The following FNDC3B variants were observed in gnomAD, a reference collection of about 807,000 sequenced individuals.
FNDC3B encodes the protein fibronectin type III domain containing 3B.
FNDC3B carries 12 observed loss-of-function variants against 151.5 expected under a neutral mutation model. The ratio of observed to expected loss-of-function variants is 0.08; its 90% confidence interval spans 0.05 to 0.13. The LOEUF (loss-of-function observed/expected upper bound fraction) is 0.13. Among genes scored for constraint, FNDC3B ranks in the 10% least tolerant of loss-of-function variants. The pLI is 1.00. For synonymous variants in FNDC3B, 528 were observed against 549.0 expected (o/e 0.96, Z 0.54); for missense variants, 1,214 against 1,505.3 (o/e 0.81, Z 3.20).
At chr3:172,264,512 T>A (rs1191389406) in intron 6 of FNDC3B, among the ~76,000 whole-genome samples, 2 of 152,238 alleles carry the variant, frequency 1.3e-5, no homozygotes, top group Admixed American at 1.3e-4. Flanking sequence ...TGTTTGTTTC[T>A]TGCATTTTTA....
intron 3 of FNDC3B, among the ~76,000 whole-genome samples, chr3:172,199,719 T>A (rs1165094745): frequency 6.6e-6 from 1 of 152,158 alleles, no homozygotes; most frequent in Non-Finnish European, 1.5e-5. Flanking sequence ...ACATTTCTAA[T>A]GGTAAACATG....
At chr3:172,281,396 C>T (rs1021912503) in intron 6 of FNDC3B, among the ~76,000 whole-genome samples, 6 of 152,118 alleles carry the variant, frequency 3.9e-5, no homozygotes, top group Non-Finnish European at 8.8e-5. Flanking sequence ...AGGTGTGCGC[C>T]ACCACGCCCG....
chr3:172,268,419 A>G (rs965251427), intron 6 of FNDC3B, among the ~76,000 whole-genome samples: 1 of 152,242 alleles, frequency 6.6e-6, no homozygotes, highest in East Asian at 1.9e-4. Context: ...AAATAGGGCA[A>G]GAAGAAATAA....
chr3:172,369,625 A>G (rs1484583853), intron 23 of FNDC3B, among the ~76,000 whole-genome samples: 1 of 152,158 alleles, frequency 6.6e-6, no homozygotes, highest in Non-Finnish European at 1.5e-5. Flanking sequence ...AAAGGTCCAT[A>G]TACAGCCAGG....
At position 172,352,795 on chromosome 3, in the gene FNDC3B, T is replaced by G. The variant is rs748677584; in HGVS notation, c.2515-8T>G. On this transcript the variant is annotated splice_region_variant and splice_polypyrimidine_tract_variant and intron_variant, in intron 21 of 25. Transcript: ENST00000415807. This position sits in a 1 kb window ranked among gnomAD's most constrained non-coding sequence, Gnocchi z 4.2. ...ATATGGCCTTTGTCTTGCTGTTCTG[T>G]TTTGTAGGCCTTCAATCAAGCAGGG... 1.2e-6 allele frequency: 2 copies of G among 1,612,320 alleles called. No individual in the cohort carries two copies. Among genetic ancestry groups the G allele is most frequent in the South Asian group, 2.2e-5 (2 of 90,998 alleles).
intron 1 of FNDC3B, among the ~76,000 whole-genome samples, chr3:172,080,183 T>C (rs918633834): frequency 2.6e-5 from 4 of 152,196 alleles, no homozygotes; most frequent in Non-Finnish European, 5.9e-5. Context: ...ATTTCATGAA[T>C]TGATTTTTGA....
At chr3:172,093,532 AC>A (rs1246811754) in intron 1 of FNDC3B, among the ~76,000 whole-genome samples, 1 of 152,132 alleles carries the variant, frequency 6.6e-6, no homozygotes. Context: ...TGCTGGGATT[AC>A]AGGCGTGAGT....
At chr3:172,377,592 G>A (rs1052590093) in intron 23 of FNDC3B, among the ~76,000 whole-genome samples, 1 of 152,270 alleles carries the variant, frequency 6.6e-6, no homozygotes, top group South Asian at 2.1e-4. Flanking sequence ...AATAGTCCTG[G>A]ATCCGATGGG....
chr3:172,159,886 G>A (rs11919684), intron 3 of FNDC3B, among the ~76,000 whole-genome samples: 1 of 152,090 alleles, frequency 6.6e-6, no homozygotes. Flanking sequence ...AACATAGATA[G>A]TACACCATTT....
intron 4 of FNDC3B, among the ~76,000 whole-genome samples, chr3:172,228,972 A>G (rs1332414700): frequency 6.6e-6 from 1 of 152,140 alleles, no homozygotes; most frequent in Non-Finnish European, 1.5e-5. Flanking sequence ...CAGTACACAC[A>G]CTTCAATGAA....
chr3:172,177,834 T>C (rs771638271), intron 3 of FNDC3B, among the ~76,000 whole-genome samples: 12 of 152,012 alleles, frequency 7.9e-5, no homozygotes, highest in Non-Finnish European at 1.8e-4. Context: ...TTATTTGTCC[T>C]GATGCTCTCC....
At chr3:172,114,612 G>A (rs140563203) in intron 2 of FNDC3B, among the ~76,000 whole-genome samples, 1 of 152,286 alleles carries the variant, frequency 6.6e-6, no homozygotes, top group African/African-American at 2.4e-5. Context: ...AAAGCTGGAT[G>A]AGGTGGTGCA....
chr3:172,304,510 A>G (rs1167397230), intron 9 of FNDC3B, among the ~76,000 whole-genome samples: 2 of 152,202 alleles, frequency 1.3e-5, no homozygotes, highest in Non-Finnish European at 2.9e-5. Flanking sequence ...AGACAGTAGG[A>G]ATGATGGGGA....
chr3:172,386,976 A>T (rs1180136650), intron 25 of FNDC3B, among the ~76,000 whole-genome samples: 1 of 151,562 alleles, frequency 6.6e-6, no homozygotes, highest in East Asian at 1.9e-4. Context: ...CTTTTTTTTG[A>T]GATGGAGTCT....
chr3:172,306,507 G>A (rs780840280), intron 9 of FNDC3B, among the ~76,000 whole-genome samples: 1 of 152,154 alleles, frequency 6.6e-6, no homozygotes, highest in Admixed American at 6.5e-5. Context: ...AGGCAGCAAA[G>A]TGTTCTTTGT....
chr3:172,145,108 C>T (rs1180468953), intron 3 of FNDC3B, among the ~76,000 whole-genome samples: 1 of 151,730 alleles, frequency 6.6e-6, no homozygotes, highest in Non-Finnish European at 1.5e-5. Flanking sequence ...AAATATAATA[C>T]CTTTTTGGAT....
intron 2 of FNDC3B, chr3:172,127,079 A>AT (rs1175210504): frequency 4.4e-6 from 2 of 456,500 alleles, no homozygotes; most frequent in Admixed American, 4.7e-5. Context: ...CTGGTTTTAG[A>AT]TTTTATCGAG....
chr3:172,330,469 A>C (rs1438888765), intron 12 of FNDC3B, 72 bp from the exon 13 acceptor site: 2 of 1,377,744 alleles, frequency 1.5e-6, no homozygotes, highest in Non-Finnish European at 2.0e-6. Context: ...GTGCAGGCTG[A>C]GCCTTCCTCT....
chr3:172,177,555 A>G (rs1178893367), intron 3 of FNDC3B, among the ~76,000 whole-genome samples: 1 of 142,292 alleles, frequency 7.0e-6, no homozygotes, highest in Non-Finnish European at 1.5e-5. Flanking sequence ...CTTATACTGT[A>G]TTATATTTAA....
Sources: allele counts gnomAD v4.1 joint callset (sites outside exome capture counted in the v4.1 genomes callset), GRCh38; gene constraint gnomAD v4.1.1; non-coding constraint Gnocchi (gnomAD v3.1); transcripts MANE v1.5; gene names NCBI Gene and HGNC (gene_info 2026-07-23, HGNC 2026-07-21).